FHIP1A: variants seen among roughly 807,000 people sequenced by gnomAD.
FHIP1A encodes the protein FHF complex subunit HOOK interacting protein 1A, also known as FHF complex subunit HOOK-interacting protein 1A.
Under a neutral mutation model 88.6 loss-of-function variants are expected in FHIP1A, and 61 were observed. That is an observed-to-expected ratio of 0.69 (90% CI 0.56 to 0.85). The LOEUF (loss-of-function observed/expected upper bound fraction) is 0.85, where lower values mean the gene tolerates loss of function less well. FHIP1A is among the 40% of genes least tolerant of loss of function. The pLI, the probability that FHIP1A is intolerant of heterozygous loss-of-function variation, is 0.00. For missense variants in FHIP1A, 1,154 were observed against 1,273.5 expected (o/e 0.91, Z 1.43); for synonymous variants, 478 against 496.0 (o/e 0.96, Z 0.48).
chr4:151,644,342 TTTTTTGTTTATCTG>T (rs1212381860), intron 9 of FHIP1A, among the ~76,000 whole-genome samples: 6 of 150,470 alleles, frequency 4.0e-5, no homozygotes, highest in Admixed American at 3.3e-4. Flanking sequence ...GTGAGAAATC[TTTTTTGTTTATCTG>T]TTTTTGTTTT....
chr4:151,419,082 G>T (rs1337858869), intron 1 of FHIP1A, among the ~76,000 whole-genome samples: 1 of 152,134 alleles, frequency 6.6e-6, no homozygotes, highest in Non-Finnish European at 1.5e-5. Flanking sequence ...GGGTGTCCAG[G>T]TATTTAGTTA....
intron 7 of FHIP1A, among the ~76,000 whole-genome samples, chr4:151,593,420 G>C (rs1734519036): frequency 6.6e-6 from 1 of 152,126 alleles, no homozygotes; most frequent in Non-Finnish European, 1.5e-5. Flanking sequence ...CCATTTGTTT[G>C]TGTCCTCTCT....
intron 8 of FHIP1A, among the ~76,000 whole-genome samples, chr4:151,631,968 G>A (rs1034033821): frequency 4.6e-5 from 7 of 152,078 alleles, no homozygotes; most frequent in Admixed American, 2.0e-4. Context: ...TTTAAATGTG[G>A]ATGGATTAAA....
chr4:151,533,248 T>C (rs1416212641), intron 3 of FHIP1A, among the ~76,000 whole-genome samples: 2 of 152,010 alleles, frequency 1.3e-5, no homozygotes, highest in South Asian at 2.1e-4. Flanking sequence ...TTTAAAAAAT[T>C]AGCTGAGCAT....
chr4:151,459,186 T>C (rs1729065397), intron 2 of FHIP1A, among the ~76,000 whole-genome samples: 1 of 151,928 alleles, frequency 6.6e-6, no homozygotes, highest in Non-Finnish European at 1.5e-5. Context: ...TTAAAGTATA[T>C]ATATACACAC....
chr4:151,624,071 T>C (rs547881117), intron 7 of FHIP1A, among the ~76,000 whole-genome samples: 2 of 152,308 alleles, frequency 1.3e-5, no homozygotes, highest in South Asian at 4.1e-4. Context: ...ATTCCTGATA[T>C]GTTCCCATTG....
intron 7 of FHIP1A, among the ~76,000 whole-genome samples, chr4:151,621,830 T>C (rs1404349519): frequency 7.9e-5 from 12 of 151,836 alleles, no homozygotes; most frequent in Admixed American, 7.9e-4. Flanking sequence ...CTTTTCGAGG[T>C]TGCCATAATT....
chr4:151,552,261 A>T (rs554227532), intron 3 of FHIP1A, among the ~76,000 whole-genome samples: 1 of 152,342 alleles, frequency 6.6e-6, no homozygotes, highest in African/African-American at 2.4e-5. Flanking sequence ...TGTGGAAGAC[A>T]GTGTGGTGAT....
At chr4:151,535,127 G>T (rs555181736) in intron 3 of FHIP1A, among the ~76,000 whole-genome samples, 8 of 152,202 alleles carry the variant, frequency 5.3e-5, no homozygotes, top group African/African-American at 1.9e-4. Context: ...AGGTGGAGAG[G>T]ATTGCTTGAG....
At position 151,472,312 on chromosome 4, in the gene FHIP1A, T is replaced by C. The variant is rs1175165218; in HGVS notation, c.-247-10212T>C. On this transcript the variant is annotated intron_variant, in intron 2 of 13. Transcript: ENST00000435205. ...TGTATTCAGACCATGATTTTTTTTT[T>C]GTACTTTAAAAAATTTGAGATAAAA... is the stretch of plus-strand genomic sequence containing the variant. Among the ~76,000 whole-genome samples, 5 of 152,220 alleles carry C rather than the reference T, an allele frequency of 3.3e-5. No individual in the cohort carries two copies. The East Asian group carries it at 7.7e-4, about 24-fold the overall frequency.
At chr4:151,505,150 A>T (rs1309180876) in intron 3 of FHIP1A, among the ~76,000 whole-genome samples, 1 of 152,114 alleles carries the variant, frequency 6.6e-6, no homozygotes, top group Non-Finnish European at 1.5e-5. Flanking sequence ...TACCCACTAG[A>T]TTGTATCACA....
intron 13 of FHIP1A, among the ~76,000 whole-genome samples, chr4:151,658,579 G>A (rs970095297): frequency 6.6e-6 from 1 of 152,194 alleles, no homozygotes; most frequent in South Asian, 2.1e-4. Flanking sequence ...CGGAGCTCAC[G>A]TAAGGTCCAT....
At chr4:151,589,689 G>GA (rs1560786229) in intron 7 of FHIP1A, among the ~76,000 whole-genome samples, 2 of 152,318 alleles carry the variant, frequency 1.3e-5, no homozygotes, top group East Asian at 3.9e-4. Context: ...TCTGCATCCT[G>GA]AAGTTCAATT....
intron 1 of FHIP1A, among the ~76,000 whole-genome samples, chr4:151,427,464 A>G (rs1580551596): frequency 6.6e-6 from 1 of 152,094 alleles, no homozygotes; most frequent in South Asian, 2.1e-4. Context: ...CTCCTTCTTT[A>G]TGTTTGCGCT....
intron 6 of FHIP1A, among the ~76,000 whole-genome samples, 195 bp from the exon 7 acceptor site, chr4:151,588,645 A>G (rs987415515): frequency 1.3e-5 from 2 of 152,184 alleles, no homozygotes. Context: ...GATTTTAACC[A>G]AGGTGTTTAT....
chr4:151,631,884 AG>A (rs1578841304), intron 8 of FHIP1A, among the ~76,000 whole-genome samples: 1 of 152,272 alleles, frequency 6.6e-6, no homozygotes, highest in East Asian at 1.9e-4. Flanking sequence ...TTGGGAAAAG[AG>A]GAATAAAGTA....
intron 3 of FHIP1A, among the ~76,000 whole-genome samples, chr4:151,517,375 A>G (rs1421663695): frequency 1.3e-5 from 2 of 152,126 alleles, no homozygotes; most frequent in Non-Finnish European, 1.5e-5. Context: ...TGGGTGCAGC[A>G]CACCAGCATG....
chr4:151,448,857 C>A (rs1728696998), intron 1 of FHIP1A, among the ~76,000 whole-genome samples: 1 of 152,006 alleles, frequency 6.6e-6, no homozygotes, highest in African/African-American at 2.4e-5. Flanking sequence ...GAAGTTTTAT[C>A]TTTAATTTTT....
At position 151,649,566 on chromosome 4, in the gene FHIP1A, A is replaced by G; in HGVS notation, c.1525A>G (p.Thr509Ala). Residue 509 changes from threonine (T) to alanine (A), a missense_variant, in exon 11 of 14, where the codon ACC becomes GCC. Coordinates refer to ENST00000435205, the MANE Select transcript of FHIP1A (RefSeq NM_001109977.3). ...CCTGCAGTACCTGTGGGAGGCCCAC[A>G]CCAACATCCTCCGCTGCATGAGGGA... ...SYLQYLWEAH[T>A]NILRCMRDCR... is the part of the protein sequence containing the mutation. The G allele has an allele frequency of 1.3e-6, 2 of 1,551,704 alleles. No homozygotes were observed. The highest frequency in any genetic ancestry group is 1.7e-6 in the Non-Finnish European group (2 of 1,146,984).
Sources: gnomAD v4.1 joint callset for allele counts (sites outside exome capture counted in the v4.1 genomes callset) on GRCh38, gnomAD v4.1.1 for gene constraint, MANE v1.5 for transcripts, NCBI Gene and HGNC (gene_info 2026-07-23, HGNC 2026-07-21) for gene names.